The following CSMD1 variants were observed in gnomAD, a reference collection of about 807,000 sequenced individuals.
CSMD1 encodes CUB and sushi domain-containing protein 1.
A neutral mutation model predicts 417.5 loss-of-function variants in CSMD1; 213 were observed. The ratio of observed to expected loss-of-function variants is 0.51; its 90% CI spans 0.46 to 0.57. The LOEUF (loss-of-function observed/expected upper bound fraction) is 0.57, where lower values mean the gene tolerates loss of function less well. Ranked by LOEUF, CSMD1 falls within the 20% of genes least tolerant of loss-of-function variation. CSMD1 has a pLI of 0.00. For missense variants in CSMD1, 6,923 were observed against 4,529.7 expected, an observed-to-expected ratio of 1.53 and a Z score of -15.17; for synonymous variants, 2,862 against 1,736.8, an observed-to-expected ratio of 1.65 and a Z score of -16.11.
intron 2 of CSMD1, among the ~76,000 whole-genome samples, chr8:4,440,493 T>C (rs1252819156): frequency 7.9e-5 from 12 of 152,182 alleles, no homozygotes; most frequent in Non-Finnish European, 1.8e-4. Flanking sequence ...ACTGTTCTCA[T>C]TTCCCTCTAT....
chr8:3,955,963 G>C (rs896480901), intron 5 of CSMD1, among the ~76,000 whole-genome samples: 17 of 152,030 alleles, frequency 1.1e-4, no homozygotes, highest in Non-Finnish European at 2.2e-4. Flanking sequence ...CCAACTAATT[G>C]TTTGTATTTT....
intron 36 of CSMD1, among the ~76,000 whole-genome samples, chr8:3,185,127 T>C (rs538143849): frequency 1.2e-3 from 178 of 152,332 alleles, no homozygotes; most frequent in Admixed American, 3.7e-3. Context: ...AGAGTGCAGG[T>C]GGCCTGGGAG....
chr8:4,325,968 G>C (rs1478397194), intron 3 of CSMD1, among the ~76,000 whole-genome samples: 3 of 152,120 alleles, frequency 2.0e-5, no homozygotes, highest in African/African-American at 7.2e-5. Flanking sequence ...GTCTACAGTA[G>C]CACAATTTCC....
At chr8:4,312,523 T>C (rs962955845) in intron 3 of CSMD1, among the ~76,000 whole-genome samples, 9 of 150,774 alleles carry the variant, frequency 6.0e-5, no homozygotes, top group Non-Finnish European at 1.3e-4. Context: ...TCAATGTTAC[T>C]TATTGAGAAT....
intron 2 of CSMD1, among the ~76,000 whole-genome samples, chr8:4,558,929 A>G (rs1798210556): frequency 8.0e-5 from 1 of 12,502 alleles, no homozygotes; most frequent in African/African-American, 8.7e-5. Context: ...TCAACTGATC[A>G]TGTTTTTTTT....
At chr8:3,751,279 C>A (rs974390039) in intron 6 of CSMD1, among the ~76,000 whole-genome samples, 29 of 148,084 alleles carry the variant, frequency 2.0e-4, no homozygotes, top group Middle Eastern at 3.4e-3. Context: ...TGACTCCTCT[C>A]TCCTTATATA....
rs181326877 is a variant in CSMD1 at position 3,818,687 on chromosome 8, C to T, written c.819-64645G>A. Among the ~76,000 whole-genome samples, 30 of 152,268 alleles carry T rather than the reference C, an allele frequency of 2.0e-4. No individual in the cohort carries two copies. In the South Asian group the frequency reaches 3.5e-3, roughly 18 times the overall value. On this transcript the variant is annotated intron_variant, in intron 5 of 69. Transcript: ENST00000635120. ...CAGCAATGATGACCTTCTGAAGAAA[C>T]GGCAGTCAACAAAGGAAGGGAGATG... is the stretch of plus-strand genomic sequence containing the variant.
At chr8:4,919,896 C>G (rs2117134003) in intron 1 of CSMD1, among the ~76,000 whole-genome samples, 1 of 152,230 alleles carries the variant, frequency 6.6e-6, no homozygotes, top group East Asian at 1.9e-4. Context: ...GGTGCAGCAA[C>G]AAGGTATTCT....
intron 1 of CSMD1, among the ~76,000 whole-genome samples, chr8:4,926,945 T>A (rs1256408937): frequency 6.6e-6 from 1 of 152,130 alleles, no homozygotes; most frequent in East Asian, 1.9e-4. Context: ...TGGACCCAAG[T>A]TTAAAACTAA....
intron 6 of CSMD1, among the ~76,000 whole-genome samples, chr8:3,753,083 T>C (rs543241944): frequency 1.3e-5 from 2 of 152,316 alleles, no homozygotes; most frequent in African/African-American, 4.8e-5. Context: ...GTAATTTCTC[T>C]GGCACTGCAG....
intron 5 of CSMD1, among the ~76,000 whole-genome samples, chr8:3,858,670 G>C (rs1051941600): frequency 4.9e-5 from 6 of 123,664 alleles, no homozygotes; most frequent in African/African-American, 1.7e-4. Context: ...ATCTTCAGGA[G>C]AACTTTTTTT....
chr8:3,157,886 T>A lies in CSMD1; in HGVS notation c.5914+11A>T, dbSNP rs1408031850. ...TGCGCAGCAGCAGAGTTACAGAAGG[T>A]GCATCCTTACCAATGCACAGGGGAG... On this transcript the variant is annotated intron_variant, in intron 39 of 69. Transcript: ENST00000635120. 2 of 1,550,532 alleles carry A rather than the reference T, an allele frequency of 1.3e-6. No homozygotes were observed. The highest frequency in any genetic ancestry group is 1.7e-6 in the Non-Finnish European group (2 of 1,145,642).
chr8:4,621,005 T>C (rs1031636579), intron 2 of CSMD1, among the ~76,000 whole-genome samples: 3 of 152,018 alleles, frequency 2.0e-5, no homozygotes, highest in Non-Finnish European at 2.9e-5. Flanking sequence ...AGGGAATTAA[T>C]ACAAATCAGC....
intron 3 of CSMD1, among the ~76,000 whole-genome samples, chr8:4,325,075 G>A (rs1563456170): frequency 1.3e-5 from 2 of 152,182 alleles, no homozygotes; most frequent in Non-Finnish European, 2.9e-5. Context: ...AGTGGAGCCA[G>A]GAGGGAAAAA....
intron 46 of CSMD1, among the ~76,000 whole-genome samples, chr8:3,100,404 C>G (rs962086356): frequency 6.6e-6 from 1 of 152,200 alleles, no homozygotes; most frequent in African/African-American, 2.4e-5. Context: ...TCATATGGAA[C>G]CACTCCTTCT....
intron 18 of CSMD1, among the ~76,000 whole-genome samples, chr8:3,381,007 G>T (rs541327436): frequency 6.6e-6 from 1 of 152,088 alleles, no homozygotes; most frequent in East Asian, 1.9e-4. Context: ...AGGTTGTTTT[G>T]AGAAAAACCT....
intron 1 of CSMD1, among the ~76,000 whole-genome samples, chr8:4,824,913 A>G (rs1388576340): frequency 6.6e-6 from 1 of 152,146 alleles, no homozygotes; most frequent in Non-Finnish European, 1.5e-5. Context: ...ACTGCTACAC[A>G]AATGCTAACG....
chr8:4,489,208 AGTC>A (rs1433105144), intron 2 of CSMD1, among the ~76,000 whole-genome samples: 1 of 152,184 alleles, frequency 6.6e-6, no homozygotes, highest in Non-Finnish European at 1.5e-5. Flanking sequence ...CACTGCACCC[AGTC>A]TACTAAATAC....
intron 62 of CSMD1, 100 bp downstream of exon 62, chr8:2,961,041 A>G: frequency 1.7e-6 from 1 of 603,048 alleles, no homozygotes; most frequent in Non-Finnish European, 2.6e-6. Flanking sequence ...TAAATATAAC[A>G]TGAATAAGGT....
Sources: gnomAD v4.1 joint callset for allele counts (sites outside exome capture counted in the v4.1 genomes callset) on GRCh38, gnomAD v4.1.1 for gene constraint, MANE v1.5 for transcripts, NCBI Gene and HGNC (gene_info 2026-07-23, HGNC 2026-07-21) for gene names.